Variants in OPRD1 observed in about 807,000 individuals in gnomAD.
OPRD1 encodes the protein delta-type opioid receptor.
In OPRD1, 19 loss-of-function variants were observed where a neutral mutation model predicts 17.5. The ratio of observed to expected loss-of-function variants is 1.09; its 90% CI spans 0.76 to 1.60. The LOEUF is 1.60. OPRD1 is among the 40% of genes most tolerant of loss of function. The pLI, the probability that OPRD1 is intolerant of heterozygous loss-of-function variation, is 0.00. For synonymous variants in OPRD1, 256 were observed against 240.9 expected, an observed-to-expected ratio of 1.06 and a Z score of -0.58; for missense variants, 483 against 547.2, an observed-to-expected ratio of 0.88 and a Z score of 1.17.
chr1:28,829,450 C>A (rs2088794076), intron 1 of OPRD1, among the ~76,000 whole-genome samples: 1 of 151,828 alleles, frequency 6.6e-6, no homozygotes, highest in Non-Finnish European at 1.5e-5. Context: ...CTCACTACAA[C>A]CTCCTCCTCC....
chr1:28,813,800 G>C (rs2088651011), intron 1 of OPRD1, among the ~76,000 whole-genome samples: 1 of 152,228 alleles, frequency 6.6e-6, no homozygotes, highest in Admixed American at 6.5e-5. Flanking sequence ...GGACTCAGAG[G>C]TTAGAGAGAT....
chr1:28,850,783 A>AAAT (rs144560328), intron 1 of OPRD1, among the ~76,000 whole-genome samples: 13,722 of 135,724 alleles, frequency 0.1, 807 homozygotes, highest in East Asian at 0.23. Flanking sequence ...ATCTGTCTCA[A>AAAT]AATAATAATA....
intron 1 of OPRD1, among the ~76,000 whole-genome samples, chr1:28,836,674 ATTT>A (rs946022381): frequency 5.3e-5 from 8 of 151,552 alleles, no homozygotes; most frequent in African/African-American, 1.9e-4. Context: ...CCTCACTTTA[ATTT>A]TTTCCTGTTT....
chr1:28,837,724 G>A (rs1013340587), intron 1 of OPRD1, among the ~76,000 whole-genome samples: 22 of 150,880 alleles, frequency 1.5e-4, no homozygotes, highest in Non-Finnish European at 2.2e-4. Flanking sequence ...GAGTCTCACC[G>A]TATTGCCCAG....
chr1:28,815,140 C>A (rs984047227), intron 1 of OPRD1, among the ~76,000 whole-genome samples: 2 of 152,058 alleles, frequency 1.3e-5, no homozygotes, highest in African/African-American at 4.8e-5. Flanking sequence ...ATTTTTGAGA[C>A]AAGATTTCTC....
intron 1 of OPRD1, among the ~76,000 whole-genome samples, chr1:28,849,832 A>G (rs945033573): frequency 1.3e-4 from 19 of 151,794 alleles, no homozygotes; most frequent in African/African-American, 4.4e-4. Context: ...GAATAACAAG[A>G]GAAGAAGAAA....
chr1:28,858,679 G>T (rs1183557553), intron 1 of OPRD1, among the ~76,000 whole-genome samples: 1 of 151,424 alleles, frequency 6.6e-6, no homozygotes, highest in Non-Finnish European at 1.5e-5. Flanking sequence ...CCAAGTAGCT[G>T]GAATTACAGG....
At chr1:28,833,029 C>T (rs1183502205) in intron 1 of OPRD1, among the ~76,000 whole-genome samples, 1 of 152,050 alleles carries the variant, frequency 6.6e-6, no homozygotes, top group African/African-American at 2.4e-5. Context: ...CATGAAGAAC[C>T]GAGAAATTAC....
chr1:28,823,906 G>A (rs1481123803), intron 1 of OPRD1, among the ~76,000 whole-genome samples: 4 of 149,418 alleles, frequency 2.7e-5, no homozygotes, highest in African/African-American at 7.4e-5. Flanking sequence ...GGCCGGGTGC[G>A]GTGGCTAACA....
intron 1 of OPRD1, among the ~76,000 whole-genome samples, chr1:28,852,844 G>T (rs529440322): frequency 6.6e-6 from 1 of 151,786 alleles, no homozygotes; most frequent in African/African-American, 2.4e-5. Flanking sequence ...TTGGCCTCCC[G>T]AGTTGCTGAG....
chr1:28,859,051 T>A lies in OPRD1; in HGVS notation c.325T>A (p.Tyr109Asn). Residue 109 changes from tyrosine (Y) to asparagine (N), a missense_variant, in exon 2 of 3, where the codon TAC becomes AAC. Coordinates refer to ENST00000234961, the MANE Select transcript of OPRD1 (RefSeq NM_000911.4). ...TSTLPFQSAK[Y>N]LMETWPFGEL... is the part of the protein sequence containing the mutation. ...CACGCTGCCTTTCCAGAGTGCCAAG[T>A]ACCTGATGGAGACGTGGCCCTTCGG... 2 of 1,614,230 alleles carry A rather than the reference T, an allele frequency of 1.2e-6. No individual in the cohort carries two copies. Among genetic ancestry groups the A allele is most frequent in the Non-Finnish European group, 1.7e-6 (2 of 1,180,044 alleles).
At chr1:28,848,534 A>C (rs747906149) in intron 1 of OPRD1, among the ~76,000 whole-genome samples, 1 of 152,140 alleles carries the variant, frequency 6.6e-6, no homozygotes, top group Non-Finnish European at 1.5e-5. Context: ...CCCCTCCCTA[A>C]GGTCACAGAT....
At chr1:28,841,661 A>AT (rs2088897961) in intron 1 of OPRD1, among the ~76,000 whole-genome samples, 1 of 151,876 alleles carries the variant, frequency 6.6e-6, no homozygotes, top group Non-Finnish European at 1.5e-5. Flanking sequence ...GAATGTATTG[A>AT]TCTTCTGGGC....
intron 1 of OPRD1, among the ~76,000 whole-genome samples, chr1:28,834,283 C>G (rs2088831674): frequency 6.6e-6 from 1 of 152,100 alleles, no homozygotes; most frequent in Admixed American, 6.6e-5. Context: ...CCAGTTCCTC[C>G]TGGAGGGCAG....
Position 28,862,874 on chromosome 1 carries a change from T to A in OPRD1, c.710T>A (p.Leu237Gln), listed in dbSNP as rs748887748. Reference sequence around the variant, plus strand: ...ATCACCGTGTGCTATGGCCTCATGCTGCTGCGCCTGCGCAGTGTGCGCCTG... The same window carrying A: ...ATCACCGTGTGCTATGGCCTCATGCAGCTGCGCCTGCGCAGTGTGCGCCTG... ...LIITVCYGLMLLRLRSVRLLS... is the reference protein window; with the variant it reads ...LIITVCYGLMQLRLRSVRLLS... The change falls in exon 3 of 3, where the codon CTG (leucine) becomes CAG (glutamine). Residue 237 changes from leucine (L) to glutamine (Q), a missense_variant. Transcript: ENST00000234961. The A allele has an allele frequency of 1.2e-6, 2 of 1,612,466 alleles. No individual in the cohort carries two copies. Among genetic ancestry groups the A allele is most frequent in the Non-Finnish European group, 1.7e-6 (2 of 1,180,024 alleles).
chr1:28,846,850 CT>C (rs1553150759), intron 1 of OPRD1, among the ~76,000 whole-genome samples: 1 of 38,250 alleles, frequency 2.6e-5, no homozygotes, highest in Non-Finnish European at 5.8e-5. Context: ...TCTTTCTTTT[CT>C]TTCTTTCTTT....
At chr1:28,815,458 C>G (rs985866112) in intron 1 of OPRD1, among the ~76,000 whole-genome samples, 5 of 152,338 alleles carry the variant, frequency 3.3e-5, no homozygotes, top group Admixed American at 2.6e-4. Flanking sequence ...GGGGACTATG[C>G]TCCTCTGCGT....
At chr1:28,860,896 C>G (rs2089108623) in intron 2 of OPRD1, among the ~76,000 whole-genome samples, 1 of 152,100 alleles carries the variant, frequency 6.6e-6, no homozygotes. Flanking sequence ...GAGCCATTGG[C>G]CTTGACTCAC....
chr1:28,847,602 G>A (rs1324594903), intron 1 of OPRD1, among the ~76,000 whole-genome samples: 1 of 152,194 alleles, frequency 6.6e-6, no homozygotes, highest in East Asian at 1.9e-4. Context: ...GGGAGACTGA[G>A]GTGGGTGGAT....
Sources: allele counts gnomAD v4.1 joint callset (sites outside exome capture counted in the v4.1 genomes callset), GRCh38; gene constraint gnomAD v4.1.1; transcripts MANE v1.5; gene names NCBI Gene and HGNC (gene_info 2026-07-23, HGNC 2026-07-21).